The following KIF26A variants were observed in gnomAD, a reference collection of about 807,000 sequenced individuals.
The protein encoded by KIF26A is kinesin-like protein KIF26A.
In KIF26A, 74 loss-of-function variants were observed where a neutral mutation model predicts 126.0. The ratio of observed to expected loss-of-function variants is 0.59; its 90% CI spans 0.49 to 0.71. The LOEUF (loss-of-function observed/expected upper bound fraction) is 0.71, where lower values mean the gene tolerates loss of function less well. Among genes scored for constraint, KIF26A ranks in the 30% least tolerant of loss-of-function variants. The pLI is 0.00. For synonymous variants in KIF26A, 1,445 were observed against 1,232.7 expected, an observed-to-expected ratio of 1.17 and a Z score of -3.61; for missense variants, 2,984 against 2,763.3, an observed-to-expected ratio of 1.08 and a Z score of -1.79.
intron 7 of KIF26A, 107 bp from the exon 8 acceptor site, chr14:104,172,870 G>C (rs2037973803): frequency 1.4e-6 from 2 of 1,391,376 alleles, no homozygotes; most frequent in South Asian, 1.5e-5. Flanking sequence ...TGGATCCAAA[G>C]AGGCCCCTGA....
At chr14:104,158,398 G>T (rs902383232) in intron 4 of KIF26A, among the ~76,000 whole-genome samples, 1 of 152,234 alleles carries the variant, frequency 6.6e-6, no homozygotes, top group East Asian at 1.9e-4. Flanking sequence ...ATTGGGGGCT[G>T]CCCGGGGGAG....
In KIF26A at chr14:104,175,827, G is replaced by C. The variant is rs778079576; in HGVS notation, c.3039G>C (p.Leu1013=). The change falls in exon 12 of 15, where the codon CTG becomes CTC. Residue 1013 remains leucine, a synonymous_variant. Transcript: ENST00000423312. ...GCAGTCGCTGTCCGGAGCGGGGCCT[G>C]CTCACCACCACAGTGACCCTGCAGC... is the stretch of plus-strand genomic sequence containing the variant. ...AAGSRCPERG[L]LTTTVTLQRP... 16 of 1,538,630 alleles carry C rather than the reference G, an allele frequency of 1.0e-5. No homozygotes were observed. In the South Asian group the frequency reaches 1.8e-4, roughly 17 times the overall value.
At chr14:104,158,261 C>T (rs191170911) in intron 4 of KIF26A, among the ~76,000 whole-genome samples, 3 of 152,378 alleles carry the variant, frequency 2.0e-5, no homozygotes, top group Non-Finnish European at 2.9e-5. Flanking sequence ...AATCAACTAA[C>T]CTCTCTGTGC....
At chr14:104,169,012 C>A (rs1181880451) in intron 5 of KIF26A, among the ~76,000 whole-genome samples, 1 of 152,250 alleles carries the variant, frequency 6.6e-6, no homozygotes, top group Non-Finnish European at 1.5e-5. Flanking sequence ...TCTCCACAGT[C>A]CCCTGGGATG....
At chr14:104,146,107 C>A (rs2037678046) in intron 2 of KIF26A, among the ~76,000 whole-genome samples, 1 of 152,228 alleles carries the variant, frequency 6.6e-6, no homozygotes, top group Non-Finnish European at 1.5e-5. Context: ...GTGGTGTGGC[C>A]TGAGGCAGGT....
intron 4 of KIF26A, among the ~76,000 whole-genome samples, chr14:104,161,055 A>G (rs2039893): frequency 0.51 from 77,990 of 152,086 alleles, 20,434 homozygotes; most frequent in African/African-American, 0.64. Context: ...CTGGGGACCC[A>G]CATGGAAGGC....
At chr14:104,153,392 C>T (rs2037747893) in intron 3 of KIF26A, among the ~76,000 whole-genome samples, 1 of 107,004 alleles carries the variant, frequency 9.3e-6, no homozygotes, top group Admixed American at 9.2e-5. Context: ...GGCACCTACA[C>T]CCTTCCACCT....
At position 104,176,889 on chromosome 14, in the gene KIF26A, G is replaced by T. The variant is rs759549209; in HGVS notation, c.4101G>T (p.Arg1367=). The T allele has an allele frequency of 1.3e-5, 20 of 1,541,682 alleles. 1 individual carries two copies. The highest frequency in any genetic ancestry group is 1.7e-5 in the Non-Finnish European group (20 of 1,145,758). ...SGAAPPAPPT[R]KSSLEQRSSP... is the part of the protein sequence containing the mutation. ...CGGCCCCCCCGGCCCCACCCACGCG[G>T]AAGTCCAGCCTGGAGCAGAGGAGCA... Residue 1367 remains arginine (R), a synonymous_variant, in exon 12 of 15, where the codon CGG becomes CGT. Transcript: ENST00000423312.
chr14:104,165,905 G>T (rs2037893972), intron 4 of KIF26A, among the ~76,000 whole-genome samples: 1 of 149,120 alleles, frequency 6.7e-6, no homozygotes, highest in Non-Finnish European at 1.5e-5. Flanking sequence ...CCACCCCAGT[G>T]GCTCCCAAGC....
Position 104,179,390 on chromosome 14 carries a change from A to C in KIF26A, c.5467+4A>C. 6.6e-7 allele frequency: 1 copy of C among 1,503,778 alleles called. No homozygotes were observed. The highest frequency in any genetic ancestry group is 8.8e-7 in the Non-Finnish European group (1 of 1,131,064). The allele number at this position is 1,503,778 out of a possible 1,614,324, so 93.2% of individuals were successfully genotyped here. On this transcript the variant is annotated splice_donor_region_variant and intron_variant, in intron 14 of 14. Transcript: ENST00000423312. ...CCTGGCCGCTGGCTGGAGCAGTGTG[A>C]GTCCCGCCCGCCCACGGACCCAGCC...
chr14:104,171,596 C>A, intron 5 of KIF26A, 127 bp from the exon 6 acceptor site: 1 of 755,346 alleles, frequency 1.3e-6, no homozygotes, highest in East Asian at 2.7e-5. Context: ...TGTCCACATT[C>A]CTGCGGTGGG....
chr14:104,175,209 C>T lies in KIF26A; in HGVS notation c.2421C>T (p.Asp807=). The T allele has an allele frequency of 1.2e-6, 2 of 1,609,926 alleles. No homozygotes were observed. Among genetic ancestry groups the T allele is most frequent in the Non-Finnish European group, 1.7e-6 (2 of 1,179,280 alleles). ...GAALSDRELT[D]NEGPPDFVPI... is the part of the protein sequence containing the mutation. ...CGCTGTCAGACCGGGAGCTCACCGA[C>T]AACGAAGGTCCGCCTGACTTCGTGC... is the stretch of plus-strand genomic sequence containing the variant. Residue 807 remains aspartate, a synonymous_variant, in exon 12 of 15, where the codon GAC becomes GAT. Coordinates refer to ENST00000423312, the MANE Select transcript of KIF26A (RefSeq NM_015656.2).
At chr14:104,174,851 C>G (rs1347661472) in intron 11 of KIF26A, 131 bp from the exon 12 acceptor site, 1 of 943,248 alleles carries the variant, frequency 1.1e-6, no homozygotes, top group Non-Finnish European at 1.5e-6. Context: ...TTTGGTGGGA[C>G]ATGGTTGGTG....
rs758875485 is a variant in KIF26A, at chr14:104,175,312, G to A, written c.2524G>A (p.Ala842Thr). 6.2e-6 allele frequency: 10 copies of A among 1,604,550 alleles called. No homozygotes were observed. Among genetic ancestry groups the A allele is most frequent in the Middle Eastern group, 3.3e-4 (2 of 6,060 alleles). ...DADHFRCSTF[A>T]ELQERLECMD... is the part of the protein sequence containing the mutation. ...AGACCACTTCCGCTGCAGCACCTTC[G>A]CGGAGCTGCAGGAGCGGCTGGAATG... The change falls in exon 12 of 15, where the codon GCG (alanine) becomes ACG (threonine). Residue 842 changes from alanine (A) to threonine (T), a missense_variant. By Grantham distance (58) the Ala-to-Thr change is moderately conservative (BLOSUM62 0). Coordinates refer to ENST00000423312, the MANE Select transcript of KIF26A (RefSeq NM_015656.2).
At position 104,157,829 on chromosome 14, in the gene KIF26A, C is replaced by G. The variant is rs1400913595; in HGVS notation, c.810C>G (p.Gly270=). ...RECPPVAGPD[G]LSKAWGRGGV... is the part of the protein sequence containing the mutation. ...GCCCCCCCGTGGCCGGCCCTGATGG[C>G]TTGTCGAAGGCCTGGGGCCGTGGTG... Residue 270 remains glycine, a synonymous_variant, in exon 4 of 15, where the codon GGC becomes GGG. Coordinates refer to ENST00000423312, the MANE Select transcript of KIF26A (RefSeq NM_015656.2). 1.2e-6 allele frequency: 2 copies of G among 1,609,712 alleles called. No individual in the cohort carries two copies. The highest frequency in any genetic ancestry group is 1.3e-5 in the African/African-American group (1 of 74,980).
In KIF26A at chr14:104,174,983, A is replaced by G; in HGVS notation, c.2195A>G (p.Tyr732Cys). The change falls in exon 12 of 15, where the codon TAC becomes TGC. Residue 732 changes from tyrosine (Y) to cysteine (C), a missense_variant and splice_region_variant. By Grantham distance (194) the Tyr-to-Cys change is radical. Coordinates refer to ENST00000423312, the MANE Select transcript of KIF26A (RefSeq NM_015656.2). The stretch of plus-strand genomic sequence containing the variant: ...GCAGCTCCACTTTTCTTCCCCCAGT[A>G]CGCCTCCAGCTCCTCTGGCGGGGAG... ...IHRLRRKKAK[Y>C]ASSSSGGESS... 6.5e-7 allele frequency: 1 copy of G among 1,534,788 alleles called. No homozygotes were observed. Among genetic ancestry groups the G allele is most frequent in the Non-Finnish European group, 8.7e-7 (1 of 1,143,726 alleles).
At chr14:104,165,559 G>A (rs1161973377) in intron 4 of KIF26A, among the ~76,000 whole-genome samples, 2 of 148,822 alleles carry the variant, frequency 1.3e-5, no homozygotes, top group Admixed American at 6.7e-5. Context: ...GTGTGTGTCT[G>A]TGTGTTTCTG....
intron 4 of KIF26A, among the ~76,000 whole-genome samples, chr14:104,163,611 C>G (rs1305027733): frequency 2.6e-5 from 4 of 151,636 alleles, no homozygotes; most frequent in East Asian, 3.9e-4. Flanking sequence ...CCCTTGCAGG[C>G]CTCCCTGCCG....
chr14:104,179,214 C>G, intron 13 of KIF26A, 22 bp from the exon 14 acceptor site: 2 of 1,443,640 alleles, frequency 1.4e-6, no homozygotes, highest in Non-Finnish European at 9.1e-7. Flanking sequence ...ATGCCTGAGC[C>G]CCCGCCCGCC....
Sources: gnomAD v4.1 joint callset for allele counts (sites outside exome capture counted in the v4.1 genomes callset) on GRCh38, gnomAD v4.1.1 for gene constraint, MANE v1.5 for transcripts, NCBI Gene and HGNC (gene_info 2026-07-23, HGNC 2026-07-21) for gene names.